ZNF266: variants seen among roughly 807,000 people sequenced by gnomAD.
The protein encoded by ZNF266 is zinc finger protein 266, also known as zinc finger protein 1.
ZNF266 carries 16 observed loss-of-function variants against 16.4 expected under a neutral mutation model. That is an observed-to-expected ratio of 0.98 (90% CI 0.66 to 1.48). The LOEUF (loss-of-function observed/expected upper bound fraction) is 1.48, where lower values mean the gene tolerates loss of function less well. ZNF266 is among the 40% of genes most tolerant of loss of function. ZNF266 has a pLI of 0.00. For synonymous variants in ZNF266, 262 were observed against 237.9 expected, an observed-to-expected ratio of 1.10 and a Z score of -0.93; for missense variants, 738 against 689.1, an observed-to-expected ratio of 1.07 and a Z score of -0.79.
At chr19:9,421,891 A>G (rs9783951) in intron 5 of ZNF266, among the ~76,000 whole-genome samples, 92,022 of 151,494 alleles carry the variant, frequency 0.61, 28,573 homozygotes, top group African/African-American at 0.73. Context: ...TCGCTCTGTC[A>G]CCCAGGCTGG....
rs2068469534 is a variant in ZNF266, at chr19:9,413,153, T to C, written c.*122A>G. 28 of 1,231,352 alleles carry C rather than the reference T, an allele frequency of 2.3e-5. No individual in the cohort carries two copies. The highest frequency in any genetic ancestry group is 9.4e-5 in the South Asian group (6 of 63,992). 76.3% of individuals were successfully genotyped at this position (1,231,352 alleles called of 1,614,324 possible). On this transcript the variant is annotated 3_prime_UTR_variant, in exon 11 of 11. Coordinates refer to ENST00000592904, the MANE Select transcript of ZNF266 (RefSeq NM_001370374.1). ...GGGTCTTCTCCACTGTGAATTCATA[T>C]GTGTTCATTAAGACCTGAGATACAA...
chr19:9,416,365 GTTT>G (rs746930588), intron 9 of ZNF266, among the ~76,000 whole-genome samples: 69 of 93,766 alleles, frequency 7.4e-4, no homozygotes, highest in African/African-American at 2.6e-3. Context: ...TTTGTTTTTT[GTTT>G]TTTTTTTTTT....
chr19:9,428,716 G>GAA lies in ZNF266; in HGVS notation c.-130+4950_-130+4951dup, dbSNP rs59102600. ...CTAAAAACTGTCCCTTCCAGGGTGG[G>GAA]AAAAAAAAAAAAAAAAACCCTGGGA... On this transcript the variant is annotated intron_variant, in intron 5 of 10. Transcript: ENST00000592904. Among the ~76,000 whole-genome samples, 524 of 132,796 alleles carry GAA rather than the reference G, an allele frequency of 3.9e-3. 5 individuals carry two copies. Among genetic ancestry groups the GAA allele is most frequent in the Middle Eastern group, 7.9e-3 (2 of 252 alleles). The allele number at this position is 132,796 out of a possible 152,430, so 87.1% of individuals were successfully genotyped here. A position where few individuals can be genotyped will look rare whatever the true frequency, so the allele number is the denominator to read the frequency against.
intron 8 of ZNF266, 48 bp from the exon 9 acceptor site, chr19:9,417,956 T>TG: frequency 6.4e-7 from 1 of 1,560,528 alleles, no homozygotes; most frequent in South Asian, 1.1e-5. Flanking sequence ...ATGCAAGAGA[T>TG]GATAAATCTT....
At chr19:9,429,668 A>G (rs1475293083) in intron 5 of ZNF266, among the ~76,000 whole-genome samples, 3 of 152,174 alleles carry the variant, frequency 2.0e-5, no homozygotes, top group East Asian at 3.8e-4. Context: ...CTCCTAAAAC[A>G]CAAATGGACA....
rs143582833 is a variant in ZNF266 at position 9,422,851 on chromosome 19, T to C, written c.-129-2633A>G. On this transcript the variant is annotated intron_variant, in intron 5 of 10. Transcript: ENST00000592904. ...AGTTGACAAGATGCATGCATACACA[T>C]ACACAGATTCATCAAAAGTTGCCGA... Among the ~76,000 whole-genome samples, 1,219 of 152,290 alleles carry C rather than the reference T, an allele frequency of 8.0e-3. 14 individuals are homozygous for C. The highest frequency in any genetic ancestry group is 0.019 in the African/African-American group (810 of 41,562).
rs2068510600 is a variant in ZNF266, at chr19:9,413,455, T to C, written c.1671A>G (p.Lys557=). ...TCCCACACTGTTTACATTTGTAGGG[T>C]TTTTCTCCAGTGTGGATCCGCATGT... ...NLHMRIHTGE[K]PYKCKQCGKS... is the part of the protein sequence containing the mutation. The change falls in exon 11 of 11, where the codon AAA becomes AAG. Residue 557 remains lysine (K), a synonymous_variant. Transcript: ENST00000592904. 6.2e-7 allele frequency: 1 copy of C among 1,613,576 alleles called. No homozygotes were observed. Among genetic ancestry groups the C allele is most frequent in the South Asian group, 1.1e-5 (1 of 91,062 alleles).
At chr19:9,425,076 C>G (rs2070533763) in intron 5 of ZNF266, among the ~76,000 whole-genome samples, 1 of 152,150 alleles carries the variant, frequency 6.6e-6, no homozygotes, top group African/African-American at 2.4e-5. Flanking sequence ...TGTTCCTCAC[C>G]TCACTGGCCC....
intron 9 of ZNF266, among the ~76,000 whole-genome samples, chr19:9,416,584 G>C (rs113172663): frequency 0.022 from 3,123 of 145,014 alleles, 107 homozygotes; most frequent in African/African-American, 0.076. Flanking sequence ...TGCTGGTCTC[G>C]AACTCCTGAC....
chr19:9,413,260 G>C lies in ZNF266; in HGVS notation c.*15C>G, dbSNP rs377584558. On this transcript the variant is annotated 3_prime_UTR_variant, in exon 11 of 11. Coordinates refer to ENST00000592904, the MANE Select transcript of ZNF266 (RefSeq NM_001370374.1). ...TCAGAGAGAACAGGGACACCTTTAG[G>C]TTTTCCCACATTCCTTATGCTGACA... 5.3e-5 allele frequency: 82 copies of C among 1,556,370 alleles called. 2 individuals are homozygous for C. The Middle Eastern group carries it at 8.9e-3, about 168-fold the overall frequency.
Position 9,414,120 on chromosome 19 carries a change from T to C in ZNF266, c.1006A>G (p.Lys336Glu), listed in dbSNP as rs371053565. The change falls in exon 11 of 11, where the codon AAA becomes GAA. Residue 336 changes from lysine to glutamate, a missense_variant. Coordinates refer to ENST00000592904, the MANE Select transcript of ZNF266 (RefSeq NM_001370374.1). Reference sequence around the variant, plus strand: ...AAGGCTCTCCCACAATCCTTACATTTATAAGGTTTCTCTCCAGTGTGAGTT... The same window carrying C: ...AAGGCTCTCCCACAATCCTTACATTCATAAGGTTTCTCTCCAGTGTGAGTT... ...RKTHTGEKPY[K>E]CKDCGRAFTV... 1 of 1,611,606 alleles carries C rather than the reference T, an allele frequency of 6.2e-7. No individual in the cohort carries two copies. The highest frequency in any genetic ancestry group is 8.5e-7 in the Non-Finnish European group (1 of 1,179,154).
intron 5 of ZNF266, among the ~76,000 whole-genome samples, chr19:9,430,442 T>C (rs970559271): frequency 6.6e-6 from 1 of 152,114 alleles, no homozygotes; most frequent in Non-Finnish European, 1.5e-5. Flanking sequence ...CCTTCTCACT[T>C]TCTATCTTGA....
rs117302604 is a variant in ZNF266, at chr19:9,430,240, G to A, written c.-130+3428C>T. 1.1e-3 allele frequency among the ~76,000 whole-genome samples: 169 copies of A among 152,216 alleles called. 3 individuals are homozygous for A. The East Asian group carries it at 0.026, about 23-fold the overall frequency. On this transcript the variant is annotated intron_variant, in intron 5 of 10. Coordinates refer to ENST00000592904, the MANE Select transcript of ZNF266 (RefSeq NM_001370374.1). ...AGACTGATCAACTGCCTTCGTTCTCGCTTCTGTAAGTACGCTTCCTGTATC... is the reference window on the plus strand; with the variant it reads ...AGACTGATCAACTGCCTTCGTTCTCACTTCTGTAAGTACGCTTCCTGTATC...
At position 9,417,811 on chromosome 19, in the gene ZNF266, C is replaced by A. The variant is rs1451505756; in HGVS notation, c.316+17G>T. On this transcript the variant is annotated intron_variant, in intron 9 of 10. Transcript: ENST00000592904. ...TACTGAACTTATTGACCAGGGCGGT[C>A]CTTTGTGAACACTCACCTTGGAAAT... 1 of 1,611,544 alleles carries A rather than the reference C, an allele frequency of 6.2e-7. No individual in the cohort carries two copies. The highest frequency in any genetic ancestry group is 1.1e-5 in the South Asian group (1 of 90,970).
At chr19:9,416,373 T>G (rs532471506) in intron 9 of ZNF266, among the ~76,000 whole-genome samples, 5 of 150,374 alleles carry the variant, frequency 3.3e-5, no homozygotes, top group African/African-American at 1.2e-4. Context: ...TTGTTTTTTT[T>G]TTTTTTTGAG....
intron 5 of ZNF266, among the ~76,000 whole-genome samples, chr19:9,424,757 T>C (rs2070479308): frequency 6.6e-6 from 1 of 152,194 alleles, no homozygotes; most frequent in African/African-American, 2.4e-5. Context: ...ATAGTTAGAA[T>C]GGGACTAAAT....
intron 5 of ZNF266, among the ~76,000 whole-genome samples, chr19:9,426,846 G>C (rs561059915): frequency 6.6e-6 from 1 of 151,836 alleles, no homozygotes; most frequent in Non-Finnish European, 1.5e-5. Context: ...AAATAGGTAC[G>C]CCTCGCTTTA....
intron 10 of ZNF266, among the ~76,000 whole-genome samples, chr19:9,415,058 G>A (rs961006881): frequency 1.3e-5 from 2 of 152,198 alleles, no homozygotes; most frequent in Non-Finnish European, 2.9e-5. Flanking sequence ...GCTTTGGGAG[G>A]CCAACGTGGG....
At chr19:9,429,109 G>C (rs1275659912) in intron 5 of ZNF266, among the ~76,000 whole-genome samples, 1 of 151,936 alleles carries the variant, frequency 6.6e-6, no homozygotes, top group Non-Finnish European at 1.5e-5. Flanking sequence ...TTCCCTAATA[G>C]GTCTCAGATA....
Sources: gnomAD v4.1 joint callset for allele counts (sites outside exome capture counted in the v4.1 genomes callset) on GRCh38, gnomAD v4.1.1 for gene constraint, MANE v1.5 for transcripts, NCBI Gene and HGNC (gene_info 2026-07-23, HGNC 2026-07-21) for gene names.